The following HEMK2 variants were observed in gnomAD, a reference collection of about 807,000 sequenced individuals.
HEMK2 encodes the protein methyltransferase HEMK2.
the HEMK2 span, among the ~76,000 whole-genome samples, chr21:28,785,153 A>T: frequency 7.2e-5 from 11 of 152,182 alleles, no homozygotes; most frequent in East Asian, 3.9e-4. Context: ...AAACACATCC[A>T]AACATCAGAA....
chr21:28,871,417 C>G, the HEMK2 span, among the ~76,000 whole-genome samples: 11 of 152,166 alleles, frequency 7.2e-5, no homozygotes, highest in Non-Finnish European at 1.5e-4. Flanking sequence ...TAAGAACTCA[C>G]TATCACGACA....
the HEMK2 span, among the ~76,000 whole-genome samples, chr21:28,806,157 C>T: frequency 6.6e-6 from 1 of 152,144 alleles, no homozygotes; most frequent in Non-Finnish European, 1.5e-5. Flanking sequence ...GTCTCCAGTG[C>T]CCCCACATGA....
chr21:28,578,863 G>T, the HEMK2 span, among the ~76,000 whole-genome samples: 3 of 152,230 alleles, frequency 2.0e-5, no homozygotes, highest in South Asian at 6.2e-4. Flanking sequence ...TAATAAATTT[G>T]TAAGTATGTG....
At chr21:28,631,844 T>G in the HEMK2 span, among the ~76,000 whole-genome samples, 3 of 152,160 alleles carry the variant, frequency 2.0e-5, no homozygotes, top group Admixed American at 2.0e-4. Context: ...AAAAAAATTT[T>G]TTTTATCACT....
the HEMK2 span, among the ~76,000 whole-genome samples, chr21:28,619,757 T>C: frequency 2.0e-5 from 3 of 152,226 alleles, no homozygotes; most frequent in East Asian, 5.8e-4. Context: ...ATAATTGATG[T>C]TCCTATTGAA....
the HEMK2 span, among the ~76,000 whole-genome samples, chr21:28,602,708 T>C: frequency 1.3e-5 from 2 of 152,194 alleles, no homozygotes; most frequent in Non-Finnish European, 2.9e-5. Flanking sequence ...GAATCTTGCA[T>C]GTGCAGTGGA....
At chr21:28,623,526 C>T in the HEMK2 span, among the ~76,000 whole-genome samples, 1 of 152,210 alleles carries the variant, frequency 6.6e-6, no homozygotes, top group Admixed American at 6.5e-5. Flanking sequence ...TACAAAGACA[C>T]ATGCACACAT....
chr21:28,630,499 A>G, the HEMK2 span, among the ~76,000 whole-genome samples: 1 of 152,142 alleles, frequency 6.6e-6, no homozygotes, highest in Admixed American at 6.5e-5. Flanking sequence ...TAGCAGCACT[A>G]TTCACAATAG....
the HEMK2 span, among the ~76,000 whole-genome samples, chr21:28,788,923 G>A: frequency 1.2e-4 from 19 of 152,018 alleles, no homozygotes; most frequent in African/African-American, 4.6e-4. Flanking sequence ...ATGTGAAGAC[G>A]CAGGCATAGA....
chr21:28,728,379 A>G, the HEMK2 span, among the ~76,000 whole-genome samples: 3 of 152,266 alleles, frequency 2.0e-5, no homozygotes, highest in African/African-American at 7.2e-5. Context: ...GCTGAGCAGT[A>G]GAAATCAGGA....
the HEMK2 span, among the ~76,000 whole-genome samples, chr21:28,760,900 C>T: frequency 3.3e-5 from 5 of 152,058 alleles, no homozygotes; most frequent in African/African-American, 7.2e-5. Flanking sequence ...CTACTTTATT[C>T]GGGGATAATC....
At chr21:28,588,777 A>G in the HEMK2 span, among the ~76,000 whole-genome samples, 1 of 151,964 alleles carries the variant, frequency 6.6e-6, no homozygotes, top group South Asian at 2.1e-4. Context: ...AGGTCAGGAG[A>G]TCGAGACCAT....
At chr21:28,586,338 A>G in the HEMK2 span, among the ~76,000 whole-genome samples, 1 of 152,236 alleles carries the variant, frequency 6.6e-6, no homozygotes, top group African/African-American at 2.4e-5. Context: ...TGCTACCACA[A>G]TATCTTAAAC....
At chr21:28,757,002 A>G in the HEMK2 span, among the ~76,000 whole-genome samples, 1,667 of 152,336 alleles carry the variant, frequency 0.011, 24 homozygotes, top group African/African-American at 0.038. Context: ...CATGTTGTAC[A>G]TGGAATAGCC....
chr21:28,778,159 A>G, the HEMK2 span, among the ~76,000 whole-genome samples: 2 of 152,218 alleles, frequency 1.3e-5, no homozygotes, highest in Admixed American at 6.5e-5. Context: ...AGCAACTATT[A>G]GGCTATCCTC....
the HEMK2 span, among the ~76,000 whole-genome samples, chr21:28,871,174 C>T: frequency 5.3e-5 from 8 of 152,226 alleles, no homozygotes; most frequent in Non-Finnish European, 1.0e-4. Context: ...TCTTTAGTGT[C>T]TGTATTAGTC....
At chr21:28,685,330 A>G in the HEMK2 span, among the ~76,000 whole-genome samples, 1 of 135,576 alleles carries the variant, frequency 7.4e-6, no homozygotes, top group African/African-American at 3.1e-5. Context: ...TCAACTGATC[A>G]TGAGCCTTTA....
the HEMK2 span, among the ~76,000 whole-genome samples, chr21:28,804,040 C>T: frequency 6.6e-6 from 1 of 152,166 alleles, no homozygotes; most frequent in Non-Finnish European, 1.5e-5. Flanking sequence ...TTCATACTGA[C>T]AATTGTTTTG....
chr21:28,636,587 C>A, the HEMK2 span, among the ~76,000 whole-genome samples: 1 of 152,148 alleles, frequency 6.6e-6, no homozygotes, highest in Non-Finnish European at 1.5e-5. Context: ...CCTCCCACTG[C>A]ACCACTGTAA....
Sources: gnomAD v4.1 joint callset for allele counts (sites outside exome capture counted in the v4.1 genomes callset) on GRCh38, gnomAD v4.1.1 for gene constraint, MANE v1.5 for transcripts, NCBI Gene and HGNC (gene_info 2026-07-23, HGNC 2026-07-21) for gene names.